GRID1: variants seen among roughly 807,000 people sequenced by gnomAD.
GRID1 encodes the protein glutamate ionotropic receptor delta type subunit 1, also known as glutamate receptor ionotropic, delta-1.
In GRID1, 28 loss-of-function variants were observed where a neutral mutation model predicts 98.0. The observed-to-expected ratio is 0.29, with a 90% CI of 0.21 to 0.39. The LOEUF (loss-of-function observed/expected upper bound fraction) is 0.39. GRID1 is among the 10% of genes least tolerant of loss of function. The probability of loss-of-function intolerance (pLI) is 1.00; values close to 1 mark genes in which losing one functional copy is unlikely to be tolerated. For missense variants in GRID1, 1,111 were observed against 1,340.5 expected (o/e 0.83, Z 2.67); for synonymous variants, 553 against 538.5 (o/e 1.03, Z -0.37).
chr10:86,126,025 G>T (rs1400459261), intron 4 of GRID1, among the ~76,000 whole-genome samples: 1 of 152,160 alleles, frequency 6.6e-6, no homozygotes, highest in Non-Finnish European at 1.5e-5. Flanking sequence ...TGGGGGGTTG[G>T]TTCCCCTAAT....
intron 4 of GRID1, among the ~76,000 whole-genome samples, chr10:86,108,510 T>C (rs1358578936): frequency 6.6e-6 from 1 of 152,132 alleles, no homozygotes; most frequent in Non-Finnish European, 1.5e-5. Context: ...TGCATGCACA[T>C]ACACATGCAC....
intron 2 of GRID1, among the ~76,000 whole-genome samples, chr10:86,219,142 C>T (rs779645050): frequency 1.3e-5 from 2 of 152,212 alleles, no homozygotes; most frequent in Admixed American, 6.5e-5. Context: ...CCCTCTGTGC[C>T]GCTCCCTGGC....
intron 8 of GRID1, among the ~76,000 whole-genome samples, chr10:85,790,120 C>A (rs1842464992): frequency 6.6e-6 from 1 of 152,216 alleles, no homozygotes; most frequent in Non-Finnish European, 1.5e-5. Flanking sequence ...CCTGGGTCCA[C>A]CCACCTCTCC....
intron 5 of GRID1, among the ~76,000 whole-genome samples, chr10:85,900,619 G>C (rs965072508): frequency 6.6e-6 from 1 of 152,210 alleles, no homozygotes; most frequent in Non-Finnish European, 1.5e-5. Flanking sequence ...AGCAATGGCA[G>C]GTTGTCTGTC....
chr10:85,919,122 C>G (rs1841663904), intron 4 of GRID1, among the ~76,000 whole-genome samples: 1 of 152,184 alleles, frequency 6.6e-6, no homozygotes, highest in Admixed American at 6.5e-5. Context: ...TCTGGGTATA[C>G]CTGTGCAGGT....
chr10:86,186,535 C>T (rs1376749169), intron 3 of GRID1, among the ~76,000 whole-genome samples: 2 of 151,952 alleles, frequency 1.3e-5, no homozygotes. Flanking sequence ...CTCTAAGGGA[C>T]AATGGGGCTT....
At chr10:86,122,960 C>A (rs2131960818) in intron 4 of GRID1, among the ~76,000 whole-genome samples, 1 of 152,342 alleles carries the variant, frequency 6.6e-6, no homozygotes, top group East Asian at 1.9e-4. Context: ...TCCAGGGACA[C>A]AGGACTTCAG....
intron 2 of GRID1, among the ~76,000 whole-genome samples, chr10:86,304,226 T>C (rs781479539): frequency 1.9e-4 from 29 of 152,216 alleles, no homozygotes; most frequent in Non-Finnish European, 3.1e-4. Flanking sequence ...CTGTGTGATG[T>C]CTCCTGGGAA....
intron 12 of GRID1, among the ~76,000 whole-genome samples, chr10:85,707,270 A>C (rs1841531236): frequency 2.0e-5 from 3 of 152,230 alleles, no homozygotes; most frequent in Non-Finnish European, 4.4e-5. Flanking sequence ...TTACAAGAAA[A>C]AAAAACAAAC....
intron 8 of GRID1, among the ~76,000 whole-genome samples, chr10:85,832,461 G>A (rs1842875518): frequency 6.6e-6 from 1 of 152,010 alleles, no homozygotes; most frequent in South Asian, 2.1e-4. Flanking sequence ...ACACAACAAG[G>A]ATAATAAATT....
intron 8 of GRID1, among the ~76,000 whole-genome samples, chr10:85,821,516 C>CAAAAAAAAAAAAAAAAAA (rs1157209045): frequency 8.8e-4 from 8 of 9,110 alleles, no homozygotes; most frequent in Non-Finnish European, 1.9e-3. Context: ...GACTTCATCT[C>CAAAAAAAAAAAAAAAAAA]AAAAAAAAAA....
At chr10:86,201,447 A>G (rs1845949386) in intron 3 of GRID1, among the ~76,000 whole-genome samples, 1 of 152,180 alleles carries the variant, frequency 6.6e-6, no homozygotes, top group Non-Finnish European at 1.5e-5. Flanking sequence ...CAAATATAGC[A>G]TGTTCTCACT....
At chr10:85,756,718 G>A (rs1842101949) in intron 8 of GRID1, among the ~76,000 whole-genome samples, 1 of 152,144 alleles carries the variant, frequency 6.6e-6, no homozygotes, top group African/African-American at 2.4e-5. Context: ...GGTTGACTGT[G>A]GGTAACTGAA....
At chr10:85,768,346 T>G (rs1361707619) in intron 8 of GRID1, among the ~76,000 whole-genome samples, 1 of 152,022 alleles carries the variant, frequency 6.6e-6, no homozygotes, top group African/African-American at 2.4e-5. Context: ...ATTGAAAAAT[T>G]ATTTAAAATG....
chr10:85,653,818 C>G (rs985942602), intron 12 of GRID1, among the ~76,000 whole-genome samples: 4 of 152,122 alleles, frequency 2.6e-5, no homozygotes, highest in African/African-American at 9.7e-5. Context: ...TGCGCTGCAC[C>G]ACCACATGAC....
At chr10:86,321,180 A>T (rs1847966238) in intron 2 of GRID1, among the ~76,000 whole-genome samples, 1 of 152,066 alleles carries the variant, frequency 6.6e-6, no homozygotes, top group Non-Finnish European at 1.5e-5. Flanking sequence ...TGTACCCACC[A>T]GCAGAAATAT....
intron 8 of GRID1, among the ~76,000 whole-genome samples, chr10:85,732,228 G>A (rs1841834248): frequency 6.6e-6 from 1 of 152,154 alleles, no homozygotes; most frequent in African/African-American, 2.4e-5. Flanking sequence ...CTTCTCCTGG[G>A]TGTAGGTGGA....
chr10:86,102,296 A>T (rs1844307500), intron 4 of GRID1, among the ~76,000 whole-genome samples: 1 of 152,272 alleles, frequency 6.6e-6, no homozygotes, highest in Admixed American at 6.5e-5. Context: ...TAGACCAGGG[A>T]CATAGCCATT....
At chr10:86,250,563 G>T (rs1322610275) in intron 2 of GRID1, among the ~76,000 whole-genome samples, 2 of 152,216 alleles carry the variant, frequency 1.3e-5, no homozygotes, top group Admixed American at 6.5e-5. Flanking sequence ...TGTACTGGGG[G>T]GCAGCCCCCG....
Sources: allele counts gnomAD v4.1 joint callset (sites outside exome capture counted in the v4.1 genomes callset), GRCh38; gene constraint gnomAD v4.1.1; transcripts MANE v1.5; gene names NCBI Gene and HGNC (gene_info 2026-07-23, HGNC 2026-07-21).